Variants in ISM2 observed in about 807,000 individuals in gnomAD.
ISM2 encodes isthmin-2.
In ISM2, 50 loss-of-function variants were observed where a neutral mutation model predicts 58.0. The observed-to-expected ratio is 0.86, with a 90% confidence interval of 0.69 to 1.09. The LOEUF is 1.09. ISM2 is among the 50% of genes least tolerant of loss of function. The pLI is 0.00. For synonymous variants in ISM2, 303 were observed against 312.4 expected, an observed-to-expected ratio of 0.97 and a Z score of 0.32; for missense variants, 723 against 745.0, an observed-to-expected ratio of 0.97 and a Z score of 0.34.
At chr14:77,476,894 C>A (rs1249266790) in intron 6 of ISM2, among the ~76,000 whole-genome samples, 1 of 152,130 alleles carries the variant, frequency 6.6e-6, no homozygotes, top group African/African-American at 2.4e-5. Context: ...AGAAATTAGC[C>A]GGGCTTGGTG....
intron 1 of ISM2, chr14:77,498,166 C>A: frequency 9.5e-7 from 1 of 1,055,898 alleles, no homozygotes; most frequent in South Asian, 1.5e-5. Context: ...GCTGGCCACC[C>A]CTGCCGGCGG....
chr14:77,498,631 G>GC, intron 1 of ISM2, 22 bp downstream of exon 1: 1 of 1,436,058 alleles, frequency 7.0e-7, no homozygotes, highest in Non-Finnish European at 9.1e-7. Flanking sequence ...GCGCTCCGCA[G>GC]CCCGGTGCCG....
At chr14:77,482,703 G>T (rs1391039202) in intron 3 of ISM2, 36 bp from the exon 4 acceptor site, 6 of 1,323,468 alleles carry the variant, frequency 4.5e-6, no homozygotes, top group Non-Finnish European at 6.2e-6. Context: ...AGTGAAGGAG[G>T]TCTTAGAGCT....
intron 1 of ISM2, among the ~76,000 whole-genome samples, chr14:77,486,142 T>G (rs1461137716): frequency 1.3e-5 from 2 of 152,236 alleles, no homozygotes; most frequent in Non-Finnish European, 2.9e-5. Flanking sequence ...CATTTAGCGA[T>G]AAAGCCAGGA....
chr14:77,497,536 T>TA (rs1322313604), intron 1 of ISM2, among the ~76,000 whole-genome samples: 18 of 148,928 alleles, frequency 1.2e-4, no homozygotes, highest in Admixed American at 1.0e-3. Context: ...AAATAAAAAA[T>TA]AAAAAAAATT....
At chr14:77,483,410 T>C (rs1433230288) in intron 3 of ISM2, among the ~76,000 whole-genome samples, 5 of 151,924 alleles carry the variant, frequency 3.3e-5, no homozygotes, top group Non-Finnish European at 5.9e-5. Context: ...ATACAAAAAT[T>C]AGCCGGGCAT....
intron 4 of ISM2, among the ~76,000 whole-genome samples, chr14:77,480,684 A>C (rs1349308195): frequency 7.2e-6 from 1 of 139,584 alleles, no homozygotes; most frequent in Non-Finnish European, 1.6e-5. Context: ...CAGCCTCCCG[A>C]GTAGCTGGGA....
chr14:77,482,728 CG>C, intron 3 of ISM2, 61 bp from the exon 4 acceptor site: 1 of 1,071,566 alleles, frequency 9.3e-7, no homozygotes, highest in South Asian at 1.6e-5. Flanking sequence ...TCCAAAGAGA[CG>C]AGGGATGATG....
At chr14:77,492,506 T>C (rs1032671946) in intron 1 of ISM2, among the ~76,000 whole-genome samples, 21 of 142,898 alleles carry the variant, frequency 1.5e-4, no homozygotes, top group Admixed American at 1.0e-3. Context: ...CTCAACAAAC[T>C]GGCCCCAGCC....
chr14:77,475,783 G>T lies in ISM2; in HGVS notation c.1528C>A (p.Pro510Thr). The T allele has an allele frequency of 1.2e-6, 2 of 1,613,462 alleles. No homozygotes were observed. Among genetic ancestry groups the T allele is most frequent in the Non-Finnish European group, 1.7e-6 (2 of 1,179,866 alleles). ...GAGAAGTCGGTGCTGATGAGGTTGG[G>T]CATGCCGGCGCCCTTGCCACGGGTC... ...LLTRGKGAGM[P>T]NLISTDFSPK... Residue 510 changes from proline (P) to threonine (T), a missense_variant, in exon 7 of 7, where the codon CCC (proline) becomes ACC (threonine). Coordinates refer to ENST00000342219, the MANE Select transcript of ISM2 (RefSeq NM_199296.3). The surrounding 1 kb of genome is among the most constrained non-coding windows in gnomAD (Gnocchi z 4.1).
chr14:77,476,230 A>C, intron 6 of ISM2, 118 bp from the exon 7 acceptor site: 1 of 1,179,690 alleles, frequency 8.5e-7, no homozygotes, highest in Non-Finnish European at 1.2e-6. Flanking sequence ...AGCTGGTGCA[A>C]AGGCGTGGCT....
In ISM2 at chr14:77,498,709, C is replaced by T; in HGVS notation, c.85G>A (p.Val29Met). The change falls in exon 1 of 7, where the codon GTG becomes ATG. Residue 29 changes from valine to methionine, a missense_variant. Physicochemically the swap from Val to Met is conservative, Grantham distance 21 (BLOSUM62 1). Transcript: ENST00000342219. Reference sequence around the variant, plus strand: ...GGTCCGCGGAGCCGCGGCTTCTTCACGGGGAGCCCTAGCGCCGCCTCCAGC... The same window carrying T: ...GGTCCGCGGAGCCGCGGCTTCTTCATGGGGAGCCCTAGCGCCGCCTCCAGC... ...ALLEAALGLP[V>M]KKPRLRGPRP... The T allele has an allele frequency of 6.7e-7, 1 of 1,484,812 alleles. No homozygotes were observed. The highest frequency in any genetic ancestry group is 8.9e-7 in the Non-Finnish European group (1 of 1,125,764). The allele number at this position is 1,484,812 out of a possible 1,614,324, so 92.0% of individuals were successfully genotyped here.
rs968297600 is a variant in ISM2 at position 77,478,773 on chromosome 14, C to T, written c.974-58G>A. ...ATATAGCTCACAGGGCAAATTGGTA[C>T]AAATCAGCACAGGGCACCCTTTCCT... On this transcript the variant is annotated intron_variant, in intron 4 of 6. Coordinates refer to ENST00000342219, the MANE Select transcript of ISM2 (RefSeq NM_199296.3). The T allele has an allele frequency of 7.7e-6, 12 of 1,550,862 alleles. No homozygotes were observed. In the African/African-American group the frequency reaches 1.5e-4, roughly 19 times the overall value.
chr14:77,482,835 C>T, intron 3 of ISM2, 168 bp from the exon 4 acceptor site: 1 of 542,450 alleles, frequency 1.8e-6, no homozygotes, highest in Admixed American at 3.5e-5. Flanking sequence ...CCTCTTAGGG[C>T]ACAAGAATCA....
intron 1 of ISM2, among the ~76,000 whole-genome samples, chr14:77,486,445 C>T (rs2079168386): frequency 1.3e-5 from 2 of 152,224 alleles, no homozygotes; most frequent in Non-Finnish European, 2.9e-5. Flanking sequence ...GAGTCAAAGC[C>T]CTCTAGTCTA....
intron 1 of ISM2, among the ~76,000 whole-genome samples, chr14:77,492,149 A>G (rs1022655871): frequency 2.6e-5 from 4 of 152,064 alleles, no homozygotes; most frequent in South Asian, 2.1e-4. Flanking sequence ...GGCATGAGCC[A>G]CCACACCCAG....
At position 77,474,946 on chromosome 14, in the gene ISM2, C is replaced by A. The variant is rs1249601464; in HGVS notation, c.*649G>T. On this transcript the variant is annotated 3_prime_UTR_variant, in exon 7 of 7. Transcript: ENST00000342219. ...CCCATTCCCTGCCTGGAGTCCACTT[C>A]GCCTCAGCTGGGCTGGCTTGCAGCC... 1 of 152,366 alleles carries A rather than the reference C, an allele frequency of 6.6e-6. No homozygotes were observed. Among genetic ancestry groups the A allele is most frequent in the East Asian group, 1.9e-4 (1 of 5,198 alleles). 9.4% of individuals were successfully genotyped at this position (152,366 alleles called of 1,614,324 possible).
chr14:77,495,138 C>A (rs200501865), intron 1 of ISM2, among the ~76,000 whole-genome samples: 4 of 152,108 alleles, frequency 2.6e-5, no homozygotes, highest in African/African-American at 9.7e-5. Flanking sequence ...AATTCTCCCA[C>A]CTTGGCCTCC....
chr14:77,478,755 T>C, intron 4 of ISM2, 40 bp from the exon 5 acceptor site: 1 of 1,588,304 alleles, frequency 6.3e-7, no homozygotes. Context: ...TGCATATAGC[T>C]CACAGGGCAA....
Sources: gnomAD v4.1 joint callset for allele counts (sites outside exome capture counted in the v4.1 genomes callset) on GRCh38, gnomAD v4.1.1 for gene constraint, Gnocchi (gnomAD v3.1) non-coding constraint, MANE v1.5 for transcripts, NCBI Gene and HGNC (gene_info 2026-07-23, HGNC 2026-07-21) for gene names.